TSHZ2: variants seen among roughly 807,000 people sequenced by gnomAD.
The protein encoded by TSHZ2 is teashirt zinc finger homeobox 2.
A neutral mutation model predicts 74.4 loss-of-function variants in TSHZ2; 21 were observed. The ratio of observed to expected loss-of-function variants is 0.28; its 90% CI spans 0.20 to 0.41. The LOEUF (loss-of-function observed/expected upper bound fraction) is 0.41, where lower values mean the gene tolerates loss of function less well. TSHZ2 is among the 10% of genes least tolerant of loss of function. The probability of loss-of-function intolerance (pLI) is 1.00; values close to 1 mark genes in which losing one functional copy is unlikely to be tolerated. For missense variants in TSHZ2, 1,244 were observed against 1,293.5 expected (o/e 0.96, Z 0.59); for synonymous variants, 540 against 515.3 (o/e 1.05, Z -0.65).
intron 2 of TSHZ2, among the ~76,000 whole-genome samples, chr20:53,470,006 T>C (rs1164085794): frequency 6.6e-6 from 1 of 152,204 alleles, no homozygotes; most frequent in African/African-American, 2.4e-5. Flanking sequence ...TCAACCGTTC[T>C]GAGGTTTGAT....
At chr20:53,321,528 AC>A (rs1255324367) in intron 2 of TSHZ2, among the ~76,000 whole-genome samples, 4 of 152,102 alleles carry the variant, frequency 2.6e-5, no homozygotes, top group African/African-American at 9.6e-5. Context: ...TACTAAAAAT[AC>A]AAAAATTAGC....
chr20:53,249,363 C>A (rs928594849), intron 1 of TSHZ2, among the ~76,000 whole-genome samples: 1 of 152,192 alleles, frequency 6.6e-6, no homozygotes, highest in Non-Finnish European at 1.5e-5. Context: ...AGGATGTGAA[C>A]TGAGCACTGG....
chr20:53,286,564 A>G (rs1166482649), intron 2 of TSHZ2, among the ~76,000 whole-genome samples: 3 of 152,062 alleles, frequency 2.0e-5, no homozygotes, highest in Non-Finnish European at 4.4e-5. Flanking sequence ...TTGAATTCTA[A>G]GAACATTTTA....
At chr20:53,380,287 AAACAAAGGCTT>A (rs1287467863) in intron 2 of TSHZ2, among the ~76,000 whole-genome samples, 1 of 152,212 alleles carries the variant, frequency 6.6e-6, no homozygotes, top group Admixed American at 6.5e-5. Context: ...TGTGAACAAA[AAACAAAGGCTT>A]TCTTATTTTA....
At chr20:53,151,012 A>G (rs748934265) in intron 1 of TSHZ2, among the ~76,000 whole-genome samples, 1 of 152,230 alleles carries the variant, frequency 6.6e-6, no homozygotes, top group Non-Finnish European at 1.5e-5. Context: ...TTACCCTAAC[A>G]TGCTTATTAA....
intron 2 of TSHZ2, among the ~76,000 whole-genome samples, chr20:53,274,219 G>A (rs1051299392): frequency 6.6e-6 from 1 of 152,198 alleles, no homozygotes. Flanking sequence ...GCAGTGAGCC[G>A]AGATCGCACC....
intron 2 of TSHZ2, among the ~76,000 whole-genome samples, chr20:53,386,111 C>T (rs1982036111): frequency 6.6e-6 from 1 of 152,224 alleles, no homozygotes. Context: ...GAACTCACCC[C>T]TCACCTCTTA....
At chr20:53,317,050 G>A (rs1280328274) in intron 2 of TSHZ2, among the ~76,000 whole-genome samples, 3 of 152,164 alleles carry the variant, frequency 2.0e-5, no homozygotes, top group African/African-American at 7.2e-5. Context: ...TCATTATTTA[G>A]CTAATAACAG....
chr20:53,111,639 G>A (rs912543455), intron 1 of TSHZ2, among the ~76,000 whole-genome samples: 1 of 152,172 alleles, frequency 6.6e-6, no homozygotes, highest in Non-Finnish European at 1.5e-5. Context: ...TTGGTGCAAA[G>A]CCTCAGTGAC....
intron 1 of TSHZ2, among the ~76,000 whole-genome samples, chr20:53,148,659 T>TGGG (rs1568782833): frequency 6.6e-6 from 1 of 152,126 alleles, no homozygotes; most frequent in African/African-American, 2.4e-5. Flanking sequence ...GGGTGGGGGT[T>TGGG]GATACAAAAT....
At chr20:53,148,394 C>T (rs1300621427) in intron 1 of TSHZ2, among the ~76,000 whole-genome samples, 1 of 152,174 alleles carries the variant, frequency 6.6e-6, no homozygotes, top group Non-Finnish European at 1.5e-5. Context: ...GGACACCGCC[C>T]ACCACACAGA....
intron 1 of TSHZ2, among the ~76,000 whole-genome samples, chr20:53,205,547 A>G (rs1989148003): frequency 6.6e-6 from 1 of 152,216 alleles, no homozygotes; most frequent in Non-Finnish European, 1.5e-5. Context: ...AAAGATCTAC[A>G]TCTTCCTTCT....
intron 2 of TSHZ2, among the ~76,000 whole-genome samples, chr20:53,478,513 A>G (rs12625944): frequency 0.69 from 78,902 of 114,402 alleles, 26,948 homozygotes; most frequent in African/African-American, 0.82. Context: ...GGACTGTTGT[A>G]GGGTGGGGGG....
At chr20:53,052,397 T>A (rs1984502256) in intron 1 of TSHZ2, among the ~76,000 whole-genome samples, 2 of 152,164 alleles carry the variant, frequency 1.3e-5, no homozygotes, top group Admixed American at 1.3e-4. Flanking sequence ...GTACGAACCC[T>A]ATTGTGAACT....
At chr20:53,291,629 T>G (rs6097339) in intron 2 of TSHZ2, among the ~76,000 whole-genome samples, 1 of 152,060 alleles carries the variant, frequency 6.6e-6, no homozygotes, top group Non-Finnish European at 1.5e-5. Context: ...AGAATCAGAT[T>G]TGAAGGCTAC....
chr20:53,110,625 G>A (rs1161479200), intron 1 of TSHZ2, among the ~76,000 whole-genome samples: 1 of 152,184 alleles, frequency 6.6e-6, no homozygotes, highest in African/African-American at 2.4e-5. Context: ...TGTTGGAGCA[G>A]TTGGGATATG....
intron 1 of TSHZ2, among the ~76,000 whole-genome samples, chr20:53,006,336 A>G (rs996058090): frequency 1.3e-5 from 2 of 152,266 alleles, no homozygotes; most frequent in Non-Finnish European, 2.9e-5. Context: ...GCCTGAAAAG[A>G]GACTGAGAAA....
chr20:53,254,046 G>T lies in TSHZ2; in HGVS notation c.588G>T (p.Gln196His). 1 of 1,614,142 alleles carries T rather than the reference G, an allele frequency of 6.2e-7. No homozygotes were observed. Among genetic ancestry groups the T allele is most frequent in the Non-Finnish European group, 8.5e-7 (1 of 1,180,046 alleles). ...VSKPSLFSSV[Q>H]LYRQSSKMCG... is the part of the protein sequence containing the mutation. Reference sequence around the variant, plus strand: ...AACCCAGCCTGTTCAGCTCGGTGCAGTTGTACCGACAGAGCAGCAAGATGT... The same window carrying T: ...AACCCAGCCTGTTCAGCTCGGTGCATTTGTACCGACAGAGCAGCAAGATGT... Residue 196 changes from glutamine to histidine, a missense_variant, in exon 2 of 3, where the codon CAG becomes CAT. Around this residue, in one of 6 missense-constraint regions of TSHZ2, gnomAD observed 470 missense variants for 456.5 expected, o/e 1.03. Coordinates refer to ENST00000371497, the MANE Select transcript of TSHZ2 (RefSeq NM_173485.6).
chr20:53,449,083 T>A (rs1984669722), intron 2 of TSHZ2, among the ~76,000 whole-genome samples: 1 of 152,186 alleles, frequency 6.6e-6, no homozygotes, highest in Non-Finnish European at 1.5e-5. Flanking sequence ...TATCAGAGTC[T>A]CTAATGACTC....
Sources: gnomAD v4.1 joint callset for allele counts (sites outside exome capture counted in the v4.1 genomes callset) on GRCh38, gnomAD v4.1.1 for gene constraint, gnomAD v4.1.1 regional missense constraint, MANE v1.5 for transcripts, NCBI Gene and HGNC (gene_info 2026-07-23, HGNC 2026-07-21) for gene names.